The following CALN1 variants were observed in gnomAD, a reference collection of about 807,000 sequenced individuals.
CALN1 encodes calcium-binding protein 8.
CALN1 carries 17 observed loss-of-function variants against 30.6 expected under a neutral mutation model. That is an observed-to-expected ratio of 0.56 (90% CI 0.38 to 0.83). The LOEUF is 0.83. Among genes scored for constraint, CALN1 ranks in the 40% least tolerant of loss-of-function variants. The pLI, the probability that CALN1 is intolerant of heterozygous loss-of-function variation, is 0.00. For missense variants in CALN1, 291 were observed against 354.9 expected (o/e 0.82, Z 1.45); for synonymous variants, 156 against 131.4 (o/e 1.19, Z -1.28).
chr7:72,393,228 G>T (rs1405410548), intron 2 of CALN1, among the ~76,000 whole-genome samples: 1 of 152,160 alleles, frequency 6.6e-6, no homozygotes, highest in Non-Finnish European at 1.5e-5. Flanking sequence ...AGCACATTGG[G>T]AGGCCGAGGC....
chr7:72,176,988 A>AC (rs1230538248), intron 3 of CALN1, among the ~76,000 whole-genome samples: 1 of 152,094 alleles, frequency 6.6e-6, no homozygotes, highest in South Asian at 2.1e-4. Flanking sequence ...CTGAGTGGAA[A>AC]CACCTATTGT....
chr7:72,488,388 T>C, the CALN1 span, among the ~76,000 whole-genome samples: 1 of 151,764 alleles, frequency 6.6e-6, no homozygotes, highest in South Asian at 2.1e-4. Flanking sequence ...TAAAAAAAAA[T>C]AAAAATAAGA....
intron 3 of CALN1, among the ~76,000 whole-genome samples, chr7:72,174,809 CT>C (rs925027306): frequency 6.6e-6 from 1 of 152,116 alleles, no homozygotes; most frequent in African/African-American, 2.4e-5. Context: ...TGATGGAAAT[CT>C]TTGGTCTCTT....
chr7:72,047,062 C>CA (rs1200883415), intron 4 of CALN1, among the ~76,000 whole-genome samples: 1 of 151,842 alleles, frequency 6.6e-6, no homozygotes, highest in Admixed American at 6.6e-5. Flanking sequence ...GAAACTGTCT[C>CA]AAAAAAATAA....
chr7:72,310,902 C>A (rs766551640), intron 2 of CALN1, among the ~76,000 whole-genome samples: 5 of 78,014 alleles, frequency 6.4e-5, no homozygotes, highest in Admixed American at 2.8e-4. Flanking sequence ...AGCAAGACTC[C>A]GTCTTAAAAA....
At chr7:72,487,884 G>T in the CALN1 span, among the ~76,000 whole-genome samples, 2 of 53,432 alleles carry the variant, frequency 3.7e-5, no homozygotes, top group African/African-American at 9.4e-5. Context: ...AAGAAAGAAA[G>T]AAAAGAAAAG....
the CALN1 span, among the ~76,000 whole-genome samples, chr7:72,473,569 A>G: frequency 6.6e-6 from 1 of 152,194 alleles, no homozygotes; most frequent in Non-Finnish European, 1.5e-5. Flanking sequence ...GATGTATTTA[A>G]CTTATTAATG....
At chr7:72,176,911 C>T (rs905356819) in intron 3 of CALN1, among the ~76,000 whole-genome samples, 2 of 152,156 alleles carry the variant, frequency 1.3e-5, no homozygotes, top group Non-Finnish European at 2.9e-5. Flanking sequence ...GATTTTTAGG[C>T]TTGCTCCCTT....
rs550893669 is a variant in CALN1, at chr7:72,113,613, C to G, written c.245-7319G>C. ...CCTGTAGCCAAGCCTAGCTCACCAC[C>G]TTCTTTCACAAATAAAGTTTTATTG... On this transcript the variant is annotated intron_variant, in intron 3 of 6. Transcript: ENST00000395275. Among the ~76,000 whole-genome samples the G allele has an allele frequency of 1.2e-4, 18 of 152,376 alleles. No individual in the cohort carries two copies. In the South Asian group the frequency reaches 3.5e-3, roughly 30 times the overall value.
chr7:72,205,051 G>C (rs1791724585), intron 3 of CALN1, among the ~76,000 whole-genome samples: 1 of 152,210 alleles, frequency 6.6e-6, no homozygotes, highest in African/African-American at 2.4e-5. Context: ...ATAGTGGATA[G>C]AAATTGACAT....
chr7:71,999,047 T>G (rs907732591), intron 5 of CALN1, among the ~76,000 whole-genome samples: 7 of 152,260 alleles, frequency 4.6e-5, no homozygotes, highest in African/African-American at 1.7e-4. Flanking sequence ...AAAAACAGAT[T>G]GGCAAAGTGG....
chr7:72,433,836 C>T (rs953502183), intron 1 of CALN1, among the ~76,000 whole-genome samples: 2 of 151,892 alleles, frequency 1.3e-5, no homozygotes, highest in East Asian at 1.9e-4. Context: ...AGGCCAAGGT[C>T]GCTTGAGGCC....
chr7:72,218,302 T>C (rs960509098), intron 3 of CALN1, among the ~76,000 whole-genome samples: 4 of 151,632 alleles, frequency 2.6e-5, no homozygotes, highest in African/African-American at 9.7e-5. Flanking sequence ...CAAAAAATTA[T>C]CCGGGCATGG....
chr7:71,959,102 A>C (rs1307084192), intron 5 of CALN1, among the ~76,000 whole-genome samples: 1 of 152,240 alleles, frequency 6.6e-6, no homozygotes, highest in African/African-American at 2.4e-5. Context: ...AAAGGCTAGG[A>C]GAGAAAGCAA....
intron 5 of CALN1, among the ~76,000 whole-genome samples, chr7:71,946,867 C>T (rs1265267585): frequency 6.6e-6 from 1 of 151,398 alleles, no homozygotes. Flanking sequence ...TCACCTGAAA[C>T]TTTAGGTGAG....
At chr7:72,262,228 G>T (rs1157442361) in intron 3 of CALN1, among the ~76,000 whole-genome samples, 3 of 152,148 alleles carry the variant, frequency 2.0e-5, no homozygotes, top group Non-Finnish European at 4.4e-5. Flanking sequence ...GGAGATCTAT[G>T]GACACGTTCC....
intron 3 of CALN1, among the ~76,000 whole-genome samples, chr7:72,208,749 C>T (rs1792081292): frequency 6.6e-6 from 1 of 152,138 alleles, no homozygotes; most frequent in African/African-American, 2.4e-5. Flanking sequence ...AGGAATGTCA[C>T]AAATGTAATG....
At chr7:72,036,853 A>ATT (rs58023130) in intron 4 of CALN1, among the ~76,000 whole-genome samples, 7 of 143,612 alleles carry the variant, frequency 4.9e-5, no homozygotes, top group East Asian at 4.1e-4. Flanking sequence ...ATGCTTTGTG[A>ATT]TTTTTTTTTT....
At chr7:71,923,048 C>CT (rs60064772) in intron 5 of CALN1, among the ~76,000 whole-genome samples, 3 of 151,394 alleles carry the variant, frequency 2.0e-5, no homozygotes, top group Non-Finnish European at 1.5e-5. Flanking sequence ...CTATACTATA[C>CT]AGCCAGCACA....
Sources: allele counts gnomAD v4.1 joint callset (sites outside exome capture counted in the v4.1 genomes callset), GRCh38; gene constraint gnomAD v4.1.1; transcripts MANE v1.5; gene names NCBI Gene and HGNC (gene_info 2026-07-23, HGNC 2026-07-21).